Variants in MGAT5 observed in about 807,000 individuals in gnomAD.
MGAT5 encodes alpha-1,6-mannosylglycoprotein 6-beta-N-acetylglucosaminyltransferase A.
In MGAT5, 30 loss-of-function variants were observed where a neutral mutation model predicts 94.3. The ratio of observed to expected loss-of-function variants is 0.32; its 90% CI spans 0.24 to 0.43. The LOEUF is 0.43. MGAT5 is among the 20% of genes least tolerant of loss of function. The pLI is 1.00. For synonymous variants in MGAT5, 310 were observed against 322.9 expected (o/e 0.96, Z 0.43); for missense variants, 691 against 905.5 (o/e 0.76, Z 3.04).
chr2:134,282,591 C>T (rs1228530550), intron 2 of MGAT5, among the ~76,000 whole-genome samples: 1 of 152,182 alleles, frequency 6.6e-6, no homozygotes, highest in Non-Finnish European at 1.5e-5. Flanking sequence ...ACGGCAAGTG[C>T]CTGTTCTGTG....
Position 134,422,584 on chromosome 2 carries a change from C to G in MGAT5, c.1678-219C>G, listed in dbSNP as rs147443467. 1.7e-3 allele frequency among the ~76,000 whole-genome samples: 255 copies of G among 152,242 alleles called. 3 individuals carry two copies. Among genetic ancestry groups the G allele is most frequent in the African/African-American group, 5.8e-3 (239 of 41,558 alleles). Reference sequence around the variant, plus strand: ...CCTCCTGTAGCAGCTTCCTTGTCACCTGGTTGTGACATTATCTTATTTCCA... The same window carrying G: ...CCTCCTGTAGCAGCTTCCTTGTCACGTGGTTGTGACATTATCTTATTTCCA... On this transcript the variant is annotated intron_variant, in intron 12 of 15. Coordinates refer to ENST00000281923, the MANE Select transcript of MGAT5 (RefSeq NM_002410.5).
intron 1 of MGAT5, among the ~76,000 whole-genome samples, chr2:134,161,981 A>C (rs1687758429): frequency 6.6e-6 from 1 of 151,904 alleles, no homozygotes; most frequent in Non-Finnish European, 1.5e-5. Flanking sequence ...ACATGAGGTT[A>C]GGAGTTTGAG....
rs369520037 is a variant in MGAT5, at chr2:134,412,958, C to A, written c.1620C>A (p.Asn540Lys). Residue 540 changes from asparagine to lysine, a missense_variant, in exon 12 of 16, where the codon AAC becomes AAA. Transcript: ENST00000281923. The stretch of plus-strand genomic sequence containing the variant: ...GTGCTTTTCTGAATCCCAAGTTCAA[C>A]CCACCCAAAAGCAGCAAAAACACAG... The part of the protein sequence containing the change: ...NGCAFLNPKF[N>K]PPKSSKNTDF... The A allele has an allele frequency of 5.6e-6, 9 of 1,614,124 alleles. No homozygotes were observed. In the African/African-American group the frequency reaches 1.2e-4, roughly 22 times the overall value.
chr2:134,341,882 A>T, intron 7 of MGAT5, 123 bp downstream of exon 7: 1 of 743,404 alleles, frequency 1.3e-6, no homozygotes, highest in South Asian at 2.2e-5. Context: ...AATTCACTAA[A>T]CAGGAGATAA....
chr2:134,415,816 A>G (rs988606951), intron 12 of MGAT5, among the ~76,000 whole-genome samples: 1 of 152,054 alleles, frequency 6.6e-6, no homozygotes, highest in African/African-American at 2.4e-5. Flanking sequence ...TAAAGATTTG[A>G]TTTCATTCTT....
At chr2:134,291,047 G>A (rs1050953603) in intron 2 of MGAT5, among the ~76,000 whole-genome samples, 3 of 152,152 alleles carry the variant, frequency 2.0e-5, no homozygotes, top group Non-Finnish European at 4.4e-5. Flanking sequence ...TACATGTAAT[G>A]TCAAGGAGTG....
At chr2:134,320,768 C>G (rs1573793680) in intron 4 of MGAT5, among the ~76,000 whole-genome samples, 1 of 152,134 alleles carries the variant, frequency 6.6e-6, no homozygotes, top group East Asian at 1.9e-4. Flanking sequence ...CTTTTCTTTG[C>G]CATAGGGTGA....
intron 1 of MGAT5, among the ~76,000 whole-genome samples, chr2:134,240,552 A>G (rs1681922923): frequency 6.6e-6 from 1 of 152,160 alleles, no homozygotes; most frequent in Non-Finnish European, 1.5e-5. Context: ...ATTATATGTT[A>G]CATTATAATA....
chr2:134,235,598 G>A (rs1401318360), intron 1 of MGAT5, among the ~76,000 whole-genome samples: 3 of 151,844 alleles, frequency 2.0e-5, no homozygotes, highest in East Asian at 3.9e-4. Flanking sequence ...GAAAAATCAG[G>A]GCACTTTAAA....
chr2:134,171,081 A>G (rs1688180733), intron 1 of MGAT5, among the ~76,000 whole-genome samples: 4 of 152,046 alleles, frequency 2.6e-5, no homozygotes, highest in Admixed American at 2.6e-4. Flanking sequence ...GGCTGGTTTT[A>G]AACTCCTGAC....
chr2:134,260,852 C>T (rs1683290376), intron 1 of MGAT5, among the ~76,000 whole-genome samples: 1 of 151,916 alleles, frequency 6.6e-6, no homozygotes, highest in Non-Finnish European at 1.5e-5. Flanking sequence ...TTCAGTGTGT[C>T]TGAGAAGGCT....
chr2:134,234,444 G>GTATA (rs1681528921), intron 1 of MGAT5, among the ~76,000 whole-genome samples: 1 of 152,256 alleles, frequency 6.6e-6, no homozygotes, highest in Admixed American at 6.5e-5. Flanking sequence ...TCAAATGTAT[G>GTATA]TATATATCAA....
chr2:134,269,585 T>C (rs1448826810), intron 1 of MGAT5, among the ~76,000 whole-genome samples: 1 of 152,238 alleles, frequency 6.6e-6, no homozygotes, highest in Non-Finnish European at 1.5e-5. Context: ...GCTTATCTTT[T>C]CTTTTTTCTT....
intron 1 of MGAT5, among the ~76,000 whole-genome samples, chr2:134,169,387 T>TACAC (rs61268974): frequency 0.12 from 17,258 of 138,344 alleles, 1,148 homozygotes; most frequent in South Asian, 0.21. Flanking sequence ...AATTTAAAAA[T>TACAC]ACACACACAC....
intron 1 of MGAT5, among the ~76,000 whole-genome samples, chr2:134,169,268 A>T (rs906976562): frequency 1.3e-5 from 2 of 152,132 alleles, no homozygotes; most frequent in Non-Finnish European, 2.9e-5. Context: ...GGCCGGGCGC[A>T]GTGGCTTATG....
intron 1 of MGAT5, among the ~76,000 whole-genome samples, chr2:134,192,180 T>G (rs961380076): frequency 2.7e-5 from 4 of 149,580 alleles, no homozygotes; most frequent in Admixed American, 2.7e-4. Context: ...GATGAAAAGG[T>G]GGGTTCACGC....
Position 134,401,088 on chromosome 2 carries a change from C to A in MGAT5, c.1381-1900C>A, listed in dbSNP as rs1366563514. Among the ~76,000 whole-genome samples, 4 of 146,576 alleles carry A rather than the reference C, an allele frequency of 2.7e-5. No homozygotes were observed. The East Asian group carries it at 5.9e-4, about 22-fold the overall frequency. ...TCCTTCTCCTTATTCTTCTTCTACT[C>A]CTCTTTTTTTTTCTAGCTCTGTGTC... On this transcript the variant is annotated intron_variant, in intron 10 of 15. Transcript: ENST00000281923.
In MGAT5 at chr2:134,176,356, G is replaced by A. The variant is rs554036458; in HGVS notation, c.-143+56065G>A. ...GGGAGGCCGGGGTGGGGTGGATTGC[G>A]AGGTCAGGAGTTCGAGAACAGCCTG... On this transcript the variant is annotated intron_variant, in intron 1 of 16. Coordinates refer to the MGAT5 transcript ENST00000409645. Among the ~76,000 whole-genome samples the A allele has an allele frequency of 6.6e-5, 10 of 152,018 alleles. No individual in the cohort carries two copies. In the East Asian group the frequency reaches 1.7e-3, roughly 26 times the overall value.
intron 4 of MGAT5, among the ~76,000 whole-genome samples, chr2:134,331,064 C>T (rs1414221676): frequency 1.3e-5 from 2 of 151,900 alleles, no homozygotes; most frequent in Admixed American, 1.3e-4. Context: ...AACTTTTTTC[C>T]CCTTAATATA....
Sources: allele counts gnomAD v4.1 joint callset (sites outside exome capture counted in the v4.1 genomes callset), GRCh38; gene constraint gnomAD v4.1.1; transcripts MANE v1.5; gene names NCBI Gene and HGNC (gene_info 2026-07-23, HGNC 2026-07-21).